Variants in NRXN3 observed in about 807,000 individuals in gnomAD.
The protein encoded by NRXN3 is neurexin III.
NRXN3 carries 32 observed loss-of-function variants against 137.6 expected under a neutral mutation model. The observed-to-expected ratio is 0.23, with a 90% CI of 0.18 to 0.31. The LOEUF (loss-of-function observed/expected upper bound fraction) is 0.31, where lower values mean the gene tolerates loss of function less well. Ranked by LOEUF, NRXN3 falls within the 10% of genes least tolerant of loss-of-function variation. NRXN3 has a pLI of 1.00. For synonymous variants in NRXN3, 798 were observed against 784.5 expected (o/e 1.02, Z -0.29); for missense variants, 1,574 against 2,062.5 (o/e 0.76, Z 4.59).
intron 3 of NRXN3, among the ~76,000 whole-genome samples, chr14:78,291,483 G>C (rs1350949182): frequency 1.3e-5 from 2 of 152,128 alleles, no homozygotes; most frequent in East Asian, 1.9e-4. Context: ...TCCTTTCCCA[G>C]GTCATTTTTG....
At chr14:78,501,802 G>T (rs1423731426) in intron 4 of NRXN3, among the ~76,000 whole-genome samples, 1 of 152,136 alleles carries the variant, frequency 6.6e-6, no homozygotes, top group Admixed American at 6.5e-5. Flanking sequence ...GGGGCAGGGG[G>T]TGGAAGCATG....
intron 1 of NRXN3, among the ~76,000 whole-genome samples, chr14:78,234,001 G>A (rs1291704081): frequency 6.6e-6 from 1 of 152,162 alleles, no homozygotes; most frequent in Non-Finnish European, 1.5e-5. Context: ...TGAATCATGG[G>A]GGCAGATCTT....
At chr14:79,315,003 C>G (rs940306201) in intron 15 of NRXN3, among the ~76,000 whole-genome samples, 7 of 152,184 alleles carry the variant, frequency 4.6e-5, no homozygotes, top group African/African-American at 1.7e-4. Context: ...TATGGTCTGT[C>G]CAAATCTTCT....
chr14:79,435,719 C>T (rs893379649), intron 15 of NRXN3, among the ~76,000 whole-genome samples: 5 of 152,040 alleles, frequency 3.3e-5, no homozygotes, highest in Non-Finnish European at 7.4e-5. Context: ...ACTGCAGTCC[C>T]AATCTCCTGA....
At chr14:79,818,221 T>G (rs927443326) in intron 20 of NRXN3, among the ~76,000 whole-genome samples, 7 of 151,942 alleles carry the variant, frequency 4.6e-5, no homozygotes, top group African/African-American at 1.2e-4. Context: ...GCCTGGCTAA[T>G]TTTTTGTGTT....
chr14:78,529,032 A>G (rs1169534218), intron 4 of NRXN3, among the ~76,000 whole-genome samples: 6 of 152,166 alleles, frequency 3.9e-5, no homozygotes, highest in East Asian at 1.9e-4. Context: ...GCCAGCACCA[A>G]TAACACATGG....
At chr14:79,761,221 G>A (rs1367513516) in intron 19 of NRXN3, among the ~76,000 whole-genome samples, 1 of 151,506 alleles carries the variant, frequency 6.6e-6, no homozygotes, top group African/African-American at 2.4e-5. Context: ...GTCATCCGAC[G>A]GCTCCTCTTC....
At chr14:78,469,877 T>C (rs2095223425) in intron 4 of NRXN3, among the ~76,000 whole-genome samples, 1 of 152,240 alleles carries the variant, frequency 6.6e-6, no homozygotes, top group Non-Finnish European at 1.5e-5. Context: ...TAAAACTGCC[T>C]CTTCCTTGAT....
chr14:79,588,181 A>G (rs1318079879), intron 16 of NRXN3, among the ~76,000 whole-genome samples: 1 of 152,218 alleles, frequency 6.6e-6, no homozygotes, highest in African/African-American at 2.4e-5. Context: ...GTAATGTGCC[A>G]GTCTCATTTT....
intron 4 of NRXN3, among the ~76,000 whole-genome samples, chr14:78,337,992 T>C (rs953276626): frequency 2.6e-5 from 4 of 152,036 alleles, no homozygotes; most frequent in African/African-American, 4.8e-5. Context: ...GGGCTGGAGG[T>C]ACATGGATGG....
chr14:79,813,860 A>G (rs982002742), intron 20 of NRXN3, among the ~76,000 whole-genome samples: 1 of 152,270 alleles, frequency 6.6e-6, no homozygotes, highest in African/African-American at 2.4e-5. Flanking sequence ...AAACACATAG[A>G]AATGACAGAG....
intron 15 of NRXN3, among the ~76,000 whole-genome samples, chr14:79,044,368 T>C (rs1167217153): frequency 6.6e-6 from 1 of 152,166 alleles, no homozygotes; most frequent in Admixed American, 6.5e-5. Flanking sequence ...GTTCCCTGAG[T>C]TTGCTACCAA....
At chr14:79,378,487 G>A (rs77523203) in intron 15 of NRXN3, among the ~76,000 whole-genome samples, 1 of 152,200 alleles carries the variant, frequency 6.6e-6, no homozygotes, top group African/African-American at 2.4e-5. Flanking sequence ...TCATCACTGG[G>A]AGAAGGAAAT....
At chr14:78,649,501 G>C (rs749356408) in intron 5 of NRXN3, among the ~76,000 whole-genome samples, 1 of 146,378 alleles carries the variant, frequency 6.8e-6, no homozygotes, top group Non-Finnish European at 1.5e-5. Context: ...AATGATATTT[G>C]GTTGAATTTT....
chr14:79,605,039 T>A (rs1465201646), intron 16 of NRXN3, among the ~76,000 whole-genome samples: 2 of 151,940 alleles, frequency 1.3e-5, no homozygotes, highest in African/African-American at 2.4e-5. Context: ...CTCAAAAAAA[T>A]TTTAAAAATA....
intron 15 of NRXN3, among the ~76,000 whole-genome samples, chr14:79,042,064 C>T (rs1373804348): frequency 1.3e-5 from 2 of 152,094 alleles, no homozygotes; most frequent in South Asian, 2.1e-4. Flanking sequence ...AAAGTTAGCC[C>T]GGTAGGGTAT....
chr14:79,020,118 TTTTCC>T (rs1368781657), intron 15 of NRXN3, among the ~76,000 whole-genome samples: 1 of 141,638 alleles, frequency 7.1e-6, no homozygotes, highest in Admixed American at 7.1e-5. Flanking sequence ...GGTTGCTTTC[TTTTCC>T]TTTCCCTTCC....
chr14:78,595,662 T>C (rs2097152464), intron 4 of NRXN3, among the ~76,000 whole-genome samples: 1 of 152,212 alleles, frequency 6.6e-6, no homozygotes, highest in Admixed American at 6.5e-5. Context: ...TATAAAAATC[T>C]GCAAGATGGA....
intron 16 of NRXN3, among the ~76,000 whole-genome samples, chr14:79,658,661 A>G (rs2098518288): frequency 6.6e-6 from 1 of 152,072 alleles, no homozygotes; most frequent in African/African-American, 2.4e-5. Flanking sequence ...GCCGCTCATT[A>G]TTTTCTTTAC....
Sources: gnomAD v4.1 joint callset for allele counts (sites outside exome capture counted in the v4.1 genomes callset) on GRCh38, gnomAD v4.1.1 for gene constraint, MANE v1.5 for transcripts, NCBI Gene and HGNC (gene_info 2026-07-23, HGNC 2026-07-21) for gene names.